The following CAMK1D variants were observed in gnomAD, a reference collection of about 807,000 sequenced individuals.
CAMK1D encodes calcium/calmodulin-dependent protein kinase type 1D.
CAMK1D carries 9 observed loss-of-function variants against 47.7 expected under a neutral mutation model. That is an observed-to-expected ratio of 0.19 (90% CI 0.11 to 0.33). The LOEUF (loss-of-function observed/expected upper bound fraction) is 0.33, where lower values mean the gene tolerates loss of function less well. CAMK1D is among the 10% of genes least tolerant of loss of function. The pLI, the probability that CAMK1D is intolerant of heterozygous loss-of-function variation, is 1.00. For missense variants in CAMK1D, 291 were observed against 488.7 expected, an observed-to-expected ratio of 0.60 and a Z score of 3.81; for synonymous variants, 184 against 184.9, an observed-to-expected ratio of 0.99 and a Z score of 0.04.
chr10:12,448,732 T>C (rs560954267), intron 1 of CAMK1D, among the ~76,000 whole-genome samples: 1 of 152,362 alleles, frequency 6.6e-6, no homozygotes, highest in African/African-American at 2.4e-5. Context: ...TTTTATCCTT[T>C]TGTACTATTT....
At chr10:12,820,179 G>A (rs3824648) in intron 8 of CAMK1D, among the ~76,000 whole-genome samples, 58,280 of 151,750 alleles carry the variant, frequency 0.38, 12,093 homozygotes, top group Non-Finnish European at 0.47. Context: ...AGCTGGGATT[G>A]CAGGTGTCCA....
chr10:12,714,559 A>G (rs1834047768), intron 3 of CAMK1D, among the ~76,000 whole-genome samples: 1 of 152,078 alleles, frequency 6.6e-6, no homozygotes, highest in African/African-American at 2.4e-5. Context: ...TCTCACTAAA[A>G]ATACAAAAAA....
At chr10:12,369,314 A>T (rs1837941112) in intron 1 of CAMK1D, among the ~76,000 whole-genome samples, 1 of 152,152 alleles carries the variant, frequency 6.6e-6, no homozygotes, top group South Asian at 2.1e-4. Flanking sequence ...CAACAACAAA[A>T]CCATCAGATA....
intron 1 of CAMK1D, among the ~76,000 whole-genome samples, chr10:12,391,220 A>C (rs1222278959): frequency 1.3e-5 from 2 of 152,140 alleles, no homozygotes; most frequent in Non-Finnish European, 2.9e-5. Flanking sequence ...CTTTAACTTC[A>C]AGCTCGTGTG....
chr10:12,536,640 G>T (rs1056054925), intron 1 of CAMK1D, among the ~76,000 whole-genome samples: 4 of 152,196 alleles, frequency 2.6e-5, no homozygotes, highest in Non-Finnish European at 4.4e-5. Flanking sequence ...TCGAAGAGGG[G>T]GGTGTATCCT....
intron 1 of CAMK1D, among the ~76,000 whole-genome samples, chr10:12,432,429 AAATGAATGAGTGAGTACACGAATAAATG>A (rs1385520344): frequency 1.3e-5 from 2 of 151,968 alleles, no homozygotes; most frequent in Non-Finnish European, 2.9e-5. Flanking sequence ...ATGAATAAAC[AAATGAATGAGTGAGTACACGAATAAATG>A]AATGAATTAA....
At chr10:12,527,739 A>G (rs1835673740) in intron 1 of CAMK1D, among the ~76,000 whole-genome samples, 1 of 152,222 alleles carries the variant, frequency 6.6e-6, no homozygotes, top group Non-Finnish European at 1.5e-5. Flanking sequence ...GAAACTTACC[A>G]GTGGATACTT....
At chr10:12,611,609 T>TTTTTTTTTTTTTTTTTTTTG (rs1554796845) in intron 2 of CAMK1D, among the ~76,000 whole-genome samples, 9 of 124,768 alleles carry the variant, frequency 7.2e-5, no homozygotes, top group East Asian at 2.4e-4. Flanking sequence ...TTTTTTTTTT[T>TTTTTTTTTTTTTTTTTTTTG]GAGACAGAGT....
chr10:12,821,469 G>A (rs554527596), intron 8 of CAMK1D, among the ~76,000 whole-genome samples: 38 of 152,248 alleles, frequency 2.5e-4, no homozygotes, highest in African/African-American at 7.7e-4. Context: ...GTGCTGTCCC[G>A]GGTACACACC....
At chr10:12,799,531 T>C (rs1356515902) in intron 6 of CAMK1D, among the ~76,000 whole-genome samples, 1 of 152,218 alleles carries the variant, frequency 6.6e-6, no homozygotes, top group Non-Finnish European at 1.5e-5. Flanking sequence ...TTGGAAATTC[T>C]CCATGGGTTC....
intron 1 of CAMK1D, among the ~76,000 whole-genome samples, chr10:12,380,162 C>T (rs1003097113): frequency 6.6e-6 from 1 of 152,004 alleles, no homozygotes; most frequent in Non-Finnish European, 1.5e-5. Context: ...TTGCAGTGAG[C>T]CAAGATGGCA....
Position 12,515,430 on chromosome 10 carries a change from C to CTTTTTTTTTTTAA in CAMK1D, c.93-37795_93-37794insTTTTTTTTTTTAA, listed in dbSNP as rs55728182. Among the ~76,000 whole-genome samples the CTTTTTTTTTTTAA allele has an allele frequency of 4.3e-5, 4 of 92,268 alleles. No homozygotes were observed. In the South Asian group the frequency reaches 1.1e-3, roughly 25 times the overall value. 60.5% of individuals were successfully genotyped at this position (92,268 alleles called of 152,430 possible). A position where few individuals can be genotyped will look rare whatever the true frequency, so the allele number is the denominator to read the frequency against. ...TTTTTTTTTTTTTCTTTTTTTTTTT[C>CTTTTTTTTTTTAA]ATTATACTTTAAGTTTTAGGGTACA... On this transcript the variant is annotated intron_variant, in intron 1 of 10. Transcript: ENST00000619168.
intron 2 of CAMK1D, among the ~76,000 whole-genome samples, chr10:12,589,188 T>C (rs1837924427): frequency 6.6e-6 from 1 of 152,076 alleles, no homozygotes; most frequent in Non-Finnish European, 1.5e-5. Flanking sequence ...CATTTTGTAA[T>C]TTTTTTGTAG....
chr10:12,430,907 G>A (rs1832451105), intron 1 of CAMK1D, among the ~76,000 whole-genome samples: 1 of 152,048 alleles, frequency 6.6e-6, no homozygotes, highest in African/African-American at 2.4e-5. Context: ...GCACCACCAC[G>A]CCAGGCTAAT....
chr10:12,662,938 G>GT lies in CAMK1D; in HGVS notation c.225-3790dup, dbSNP rs112228706. The stretch of plus-strand genomic sequence containing the variant: ...GTTGGTTACTAGTTCTCCTTTCCTT[G>GT]TTTTTTTTGTTTGTTTGTTTTTGTT... On this transcript the variant is annotated intron_variant, in intron 2 of 10. Coordinates refer to ENST00000619168, the MANE Select transcript of CAMK1D (RefSeq NM_153498.4). Among the ~76,000 whole-genome samples the GT allele has an allele frequency of 2.4e-3, 358 of 151,910 alleles. 3 individuals are homozygous for GT. In the Middle Eastern group the frequency reaches 0.034, roughly 14 times the overall value.
At chr10:12,535,227 A>G (rs1336888112) in intron 1 of CAMK1D, among the ~76,000 whole-genome samples, 2 of 152,192 alleles carry the variant, frequency 1.3e-5, no homozygotes, top group African/African-American at 4.8e-5. Context: ...GTGCGCAGCC[A>G]GGCCAGGCCC....
chr10:12,528,836 G>C (rs1465152351), intron 1 of CAMK1D, among the ~76,000 whole-genome samples: 2 of 151,128 alleles, frequency 1.3e-5, no homozygotes, highest in Non-Finnish European at 2.9e-5. Flanking sequence ...CAAACTCCTA[G>C]GGTCAAGCAA....
At chr10:12,591,195 T>C (rs1251170775) in intron 2 of CAMK1D, among the ~76,000 whole-genome samples, 1 of 152,164 alleles carries the variant, frequency 6.6e-6, no homozygotes, top group East Asian at 1.9e-4. Flanking sequence ...AATGGCCAGA[T>C]CTTATATAAA....
chr10:12,524,551 C>T (rs1835556624), intron 1 of CAMK1D, among the ~76,000 whole-genome samples: 1 of 151,894 alleles, frequency 6.6e-6, no homozygotes, highest in African/African-American at 2.4e-5. Flanking sequence ...ACTAAAAATA[C>T]AAAAAATTAG....
Sources: allele counts gnomAD v4.1 joint callset (sites outside exome capture counted in the v4.1 genomes callset), GRCh38; gene constraint gnomAD v4.1.1; transcripts MANE v1.5; gene names NCBI Gene and HGNC (gene_info 2026-07-23, HGNC 2026-07-21).